GDA: variants seen among roughly 807,000 people sequenced by gnomAD.
GDA encodes cytoplasmic PSD-95 interactor.
A neutral mutation model predicts 59.6 loss-of-function variants in GDA; 18 were observed. The ratio of observed to expected loss-of-function variants is 0.30; its 90% CI spans 0.21 to 0.45. GDA has a LOEUF of 0.45. GDA is among the 20% of genes least tolerant of loss of function. The pLI is 1.00. For missense variants in GDA, 427 were observed against 552.3 expected, an observed-to-expected ratio of 0.77 and a Z score of 2.27; for synonymous variants, 201 against 201.1, an observed-to-expected ratio of 1.00 and a Z score of 0.00.
At chr9:72,206,167 A>G (rs552318721) in intron 3 of GDA, among the ~76,000 whole-genome samples, 6 of 152,312 alleles carry the variant, frequency 3.9e-5, no homozygotes, top group African/African-American at 1.2e-4. Flanking sequence ...GCGATTTTTT[A>G]AAAGAAGACT....
intron 1 of GDA, among the ~76,000 whole-genome samples, chr9:72,153,890 C>T (rs1404049400): frequency 1.3e-5 from 2 of 150,048 alleles, no homozygotes; most frequent in East Asian, 4.0e-4. Context: ...GTGCAGCACA[C>T]CAGCATGGCA....
intron 7 of GDA, among the ~76,000 whole-genome samples, chr9:72,223,955 T>C (rs1837225434): frequency 6.6e-6 from 1 of 152,210 alleles, no homozygotes; most frequent in Non-Finnish European, 1.5e-5. Context: ...TTTTTGGTTT[T>C]TGTTTCCCAA....
At chr9:72,115,598 A>G (rs1450053210) in intron 1 of GDA, among the ~76,000 whole-genome samples, 2 of 152,184 alleles carry the variant, frequency 1.3e-5, no homozygotes, top group Non-Finnish European at 2.9e-5. Flanking sequence ...AAGAAACATA[A>G]TTCATTTGGT....
chr9:72,201,528 C>T (rs1471354977), intron 2 of GDA, among the ~76,000 whole-genome samples: 1 of 152,092 alleles, frequency 6.6e-6, no homozygotes, highest in Non-Finnish European at 1.5e-5. Context: ...TTTAGAGTTA[C>T]TCATGGCTTT....
In GDA at chr9:72,231,596, GAGA is replaced by G. The variant is rs1394329393; in HGVS notation, c.988+418_988+420del. ...AAAAAAAGGAAATTGTATGCAAAGGGAGAAGTTTTGATGATACTGACCTCCTGA... is the reference window on the plus strand; with the variant it reads ...AAAAAAAGGAAATTGTATGCAAAGGGAGTTTTGATGATACTGACCTCCTGA... On this transcript the variant is annotated intron_variant, in intron 10 of 13. Coordinates refer to ENST00000358399, the MANE Select transcript of GDA (RefSeq NM_004293.5). Among the ~76,000 whole-genome samples, 4 of 152,012 alleles carry G rather than the reference GAGA, an allele frequency of 2.6e-5. No individual in the cohort carries two copies. In the South Asian group the frequency reaches 6.2e-4, roughly 24 times the overall value.
rs908984321 is a variant in GDA at position 72,161,241 on chromosome 9, C to G, written c.123+11559C>G. On this transcript the variant is annotated intron_variant, in intron 1 of 13. Coordinates refer to ENST00000358399, the MANE Select transcript of GDA (RefSeq NM_004293.5). Reference sequence around the variant, plus strand: ...CTTTCTACTCAGTGCCTCCTTACAACTCTTACTTGATCTCATGAGTCTCCC... The same window carrying G: ...CTTTCTACTCAGTGCCTCCTTACAAGTCTTACTTGATCTCATGAGTCTCCC... 1.3e-4 allele frequency among the ~76,000 whole-genome samples: 20 copies of G among 152,114 alleles called. 1 individual carries two copies. Among genetic ancestry groups the G allele is most frequent in the Non-Finnish European group, 5.9e-5 (4 of 68,026 alleles).
chr9:72,213,526 G>A (rs1377322190), intron 4 of GDA, among the ~76,000 whole-genome samples: 4 of 151,906 alleles, frequency 2.6e-5, no homozygotes, highest in Non-Finnish European at 5.9e-5. Context: ...TGTTTTGGCC[G>A]GGCGCGGTGG....
chr9:72,223,031 G>T (rs1020397484), intron 6 of GDA, 89 bp from the exon 7 acceptor site: 8 of 716,988 alleles, frequency 1.1e-5, no homozygotes, highest in African/African-American at 1.8e-5. Context: ...TATAGTTTTC[G>T]GTTTTACATT....
intron 1 of GDA, among the ~76,000 whole-genome samples, chr9:72,126,852 C>A (rs1052797267): frequency 6.6e-6 from 1 of 152,050 alleles, no homozygotes; most frequent in Non-Finnish European, 1.5e-5. Context: ...CATGCGTGAG[C>A]CACCACACCC....
In GDA at chr9:72,248,343, G is replaced by T; in HGVS notation, c.*1G>T. The stretch of plus-strand genomic sequence containing the variant: ...GGTTCCGTTTTCCAGCTCAGTGTAA[G>T]ACCCTCGGGCGTCTACAAAGTTCTC... On this transcript the variant is annotated 3_prime_UTR_variant, in exon 14 of 14. Transcript: ENST00000358399. The T allele has an allele frequency of 6.2e-7, 1 of 1,613,616 alleles. No individual in the cohort carries two copies. The highest frequency in any genetic ancestry group is 1.3e-5 in the African/African-American group (1 of 74,998).
intron 1 of GDA, among the ~76,000 whole-genome samples, chr9:72,133,295 A>AAAAT (rs1554722381): frequency 3.1e-5 from 4 of 129,244 alleles, no homozygotes; most frequent in African/African-American, 8.7e-5. Flanking sequence ...TCTAAAAAAA[A>AAAAT]AAAAAAAAAA....
chr9:72,167,184 C>G (rs1319528677), intron 1 of GDA, among the ~76,000 whole-genome samples: 1 of 152,116 alleles, frequency 6.6e-6, no homozygotes, highest in Non-Finnish European at 1.5e-5. Context: ...AGAACTGAAA[C>G]TAACCAGATA....
chr9:72,195,790 T>G (rs148489951), intron 2 of GDA, among the ~76,000 whole-genome samples: 1 of 152,230 alleles, frequency 6.6e-6, no homozygotes, highest in East Asian at 1.9e-4. Flanking sequence ...AGCTAGAGGC[T>G]GCCATCATTC....
chr9:72,148,948 G>A (rs569918844), upstream of GDA, among the ~76,000 whole-genome samples: 1 of 152,342 alleles, frequency 6.6e-6, no homozygotes, highest in Non-Finnish European at 1.5e-5. Context: ...GTGAAGAGAG[G>A]AACCTTGGCG....
Position 72,213,869 on chromosome 9 carries a change from T to C in GDA, c.473-17T>C. 1 of 1,384,710 alleles carries C rather than the reference T, an allele frequency of 7.2e-7. No homozygotes were observed. The highest frequency in any genetic ancestry group is 1.0e-6 in the Non-Finnish European group (1 of 973,134). 85.8% of individuals were successfully genotyped at this position (1,384,710 alleles called of 1,614,324 possible). ...AAACAAACATGCCTTCATATTCTTT[T>C]TGTGTATACTTTACAGATAAATTTG... On this transcript the variant is annotated splice_polypyrimidine_tract_variant and intron_variant, in intron 4 of 13. Transcript: ENST00000358399.
chr9:72,244,214 T>G (rs1009984821), intron 11 of GDA, among the ~76,000 whole-genome samples: 2 of 151,432 alleles, frequency 1.3e-5, no homozygotes, highest in Non-Finnish European at 3.0e-5. Flanking sequence ...TTGAAATAAA[T>G]AATACTGCAC....
intron 10 of GDA, among the ~76,000 whole-genome samples, chr9:72,234,083 T>C (rs748281419): frequency 6.6e-6 from 1 of 152,208 alleles, no homozygotes; most frequent in Non-Finnish European, 1.5e-5. Flanking sequence ...TAATGAAATA[T>C]TATTTAGCAG....
chr9:72,255,539 A>G (rs1244256596), downstream of GDA, among the ~76,000 whole-genome samples: 1 of 152,218 alleles, frequency 6.6e-6, no homozygotes, highest in Non-Finnish European at 1.5e-5. Context: ...AGGTTACTCA[A>G]AAAGATAAAT....
intron 1 of GDA, among the ~76,000 whole-genome samples, chr9:72,157,943 C>T (rs1286787834): frequency 6.6e-6 from 1 of 152,202 alleles, no homozygotes; most frequent in Non-Finnish European, 1.5e-5. Flanking sequence ...TCCAGCACAT[C>T]ATGTCCTTTT....
Sources: allele counts gnomAD v4.1 joint callset (sites outside exome capture counted in the v4.1 genomes callset), GRCh38; gene constraint gnomAD v4.1.1; transcripts MANE v1.5; gene names NCBI Gene and HGNC (gene_info 2026-07-23, HGNC 2026-07-21).